Variants in ZNF503 observed in about 807,000 individuals in gnomAD.
ZNF503 encodes the protein NocA-like zinc finger 2.
In ZNF503, 15 loss-of-function variants were observed where a neutral mutation model predicts 34.4. The observed-to-expected ratio is 0.44, with a 90% CI of 0.29 to 0.67. The LOEUF is 0.67. Ranked by LOEUF, ZNF503 falls within the 30% of genes least tolerant of loss-of-function variation. The pLI, the probability that ZNF503 is intolerant of heterozygous loss-of-function variation, is 0.13. For synonymous variants in ZNF503, 580 were observed against 456.8 expected (o/e 1.27, Z -3.44); for missense variants, 1,007 against 926.8 (o/e 1.09, Z -1.12).
At chr10:75,310,243 AT>A in the ZNF503 span, among the ~76,000 whole-genome samples, 1 of 152,230 alleles carries the variant, frequency 6.6e-6, no homozygotes, top group Non-Finnish European at 1.5e-5. Context: ...TGAAGGGTGG[AT>A]AAAAGAAGAA....
chr10:75,314,676 C>T, the ZNF503 span, among the ~76,000 whole-genome samples: 99 of 152,240 alleles, frequency 6.5e-4, no homozygotes, highest in African/African-American at 2.0e-3. Flanking sequence ...GGGAGAGATA[C>T]GTACATCAAT....
rs761979896 is a variant in ZNF503, at chr10:75,401,368, CGCCGCT to C, written c.46_51del (p.Ser16_Gly17del). ...CCGCCTCCGCCTCCGCCGCCGCCGC[CGCCGCT>C]GTGCTTACTGCTTCTTAGGGCAGAA... On this transcript the variant is annotated inframe_deletion, in exon 1 of 2. Coordinates refer to ENST00000372524, the MANE Select transcript of ZNF503 (RefSeq NM_032772.6). 8.4e-6 allele frequency: 13 copies of C among 1,539,180 alleles called. No homozygotes were observed. The highest frequency in any genetic ancestry group is 1.1e-5 in the Non-Finnish European group (13 of 1,146,556).
chr10:75,385,169 A>C, the ZNF503 span, among the ~76,000 whole-genome samples: 147,238 of 152,208 alleles, frequency 0.97, 71,333 homozygotes, highest in African/African-American at 0.99. Flanking sequence ...GAGCTGAGAA[A>C]CAGAAACATG....
the ZNF503 span, among the ~76,000 whole-genome samples, chr10:75,340,150 T>G: frequency 2.6e-4 from 1 of 3,862 alleles, no homozygotes; most frequent in African/African-American, 1.1e-3. Context: ...GGCCTGGTGG[T>G]GGGGGCCGGG....
At chr10:75,390,712 G>A in the ZNF503 span, among the ~76,000 whole-genome samples, 43 of 152,278 alleles carry the variant, frequency 2.8e-4, no homozygotes, top group South Asian at 1.2e-3. Flanking sequence ...GACACCACTC[G>A]TGGGGTGCGG....
chr10:75,351,810 G>C, the ZNF503 span, among the ~76,000 whole-genome samples: 1 of 152,286 alleles, frequency 6.6e-6, no homozygotes, highest in East Asian at 1.9e-4. Context: ...GGGACAGACT[G>C]TTTGATTCCT....
At chr10:75,343,614 C>T in the ZNF503 span, among the ~76,000 whole-genome samples, 51 of 152,332 alleles carry the variant, frequency 3.3e-4, no homozygotes, top group Admixed American at 2.9e-3. Flanking sequence ...TCTGCAGTGC[C>T]CCTCTTGATG....
the ZNF503 span, among the ~76,000 whole-genome samples, chr10:75,306,577 C>T: frequency 3.3e-5 from 5 of 151,494 alleles, no homozygotes; most frequent in Non-Finnish European, 5.9e-5. Context: ...TATAGGCATA[C>T]CTCATTTTAT....
At chr10:75,397,205 G>C (rs919204145), downstream of ZNF503, among the ~76,000 whole-genome samples, 14 of 151,978 alleles carry the variant, frequency 9.2e-5, no homozygotes, top group Non-Finnish European at 1.8e-4. Flanking sequence ...AGGGAGGAAG[G>C]AGCGGGCGGG....
chr10:75,332,911 A>G, the ZNF503 span, among the ~76,000 whole-genome samples: 1 of 142,636 alleles, frequency 7.0e-6, no homozygotes, highest in Non-Finnish European at 1.5e-5. Flanking sequence ...CGAATTCTCA[A>G]TCTTTTCCCC....
At chr10:75,360,261 C>T in the ZNF503 span, among the ~76,000 whole-genome samples, 1 of 150,942 alleles carries the variant, frequency 6.6e-6, no homozygotes, top group Non-Finnish European at 1.5e-5. Flanking sequence ...GCTGGGACTA[C>T]AGGCGCCCGC....
the ZNF503 span, among the ~76,000 whole-genome samples, chr10:75,376,202 G>A: frequency 6.6e-6 from 1 of 152,202 alleles, no homozygotes; most frequent in Admixed American, 6.5e-5. Context: ...ATCACTAGGT[G>A]TTCTGGCCTC....
At chr10:75,331,266 T>C in the ZNF503 span, among the ~76,000 whole-genome samples, 87 of 152,332 alleles carry the variant, frequency 5.7e-4, no homozygotes, top group Admixed American at 7.8e-4. Flanking sequence ...GAAAAGAATA[T>C]GCATTCTGCA....
chr10:75,308,523 T>G, the ZNF503 span, among the ~76,000 whole-genome samples: 1 of 152,204 alleles, frequency 6.6e-6, no homozygotes, highest in African/African-American at 2.4e-5. Flanking sequence ...GAGATAGTGA[T>G]TTTTCTGATG....
the ZNF503 span, among the ~76,000 whole-genome samples, chr10:75,391,784 T>C: frequency 6.6e-6 from 1 of 152,144 alleles, no homozygotes; most frequent in African/African-American, 2.4e-5. Context: ...CCCTCTCTTC[T>C]TTCCTTCCTT....
At chr10:75,392,464 G>A in the ZNF503 span, among the ~76,000 whole-genome samples, 2 of 152,184 alleles carry the variant, frequency 1.3e-5, no homozygotes, top group Non-Finnish European at 2.9e-5. Context: ...AAAATCTAGA[G>A]GGCTTCCTGG....
At chr10:75,340,864 G>C in the ZNF503 span, among the ~76,000 whole-genome samples, 1 of 152,124 alleles carries the variant, frequency 6.6e-6, no homozygotes, top group African/African-American at 2.4e-5. Flanking sequence ...GCCTCCCAAA[G>C]TGCTGGGATT....
chr10:75,357,469 G>A, the ZNF503 span, among the ~76,000 whole-genome samples: 17 of 152,096 alleles, frequency 1.1e-4, no homozygotes, highest in Admixed American at 2.0e-4. Flanking sequence ...AGAGAGCCAC[G>A]ATGGCATCAC....
At chr10:75,287,548 C>A in the ZNF503 span, among the ~76,000 whole-genome samples, 1,960 of 152,178 alleles carry the variant, frequency 0.013, 39 homozygotes, top group African/African-American at 0.045. Context: ...TTCCTGTTAC[C>A]TACCCTCCCA....
Sources: allele counts gnomAD v4.1 joint callset (sites outside exome capture counted in the v4.1 genomes callset), GRCh38; gene constraint gnomAD v4.1.1; transcripts MANE v1.5; gene names NCBI Gene and HGNC (gene_info 2026-07-23, HGNC 2026-07-21).